ANK3: variants seen among roughly 807,000 people sequenced by gnomAD.
ANK3 encodes the protein ankyrin-3.
Under a neutral mutation model 370.9 loss-of-function variants are expected in ANK3, and 57 were observed. That is an observed-to-expected ratio of 0.15 (90% confidence interval 0.12 to 0.19). The LOEUF is 0.19. ANK3 is among the 10% of genes least tolerant of loss of function. The pLI, the probability that ANK3 is intolerant of heterozygous loss-of-function variation, is 1.00. For synonymous variants in ANK3, 1,929 were observed against 1,946.3 expected, an observed-to-expected ratio of 0.99 and a Z score of 0.23; for missense variants, 4,439 against 5,302.1, an observed-to-expected ratio of 0.84 and a Z score of 5.06.
chr10:60,245,757 A>G (rs1384495882), intron 7 of ANK3, among the ~76,000 whole-genome samples: 1 of 152,226 alleles, frequency 6.6e-6, no homozygotes, highest in Non-Finnish European at 1.5e-5. Context: ...ATAACTTCCA[A>G]TGATAAGGAT....
At chr10:60,704,540 C>CAGGA (rs1228766055) in intron 1 of ANK3, among the ~76,000 whole-genome samples, 2 of 151,946 alleles carry the variant, frequency 1.3e-5, no homozygotes, top group Admixed American at 1.3e-4. Context: ...AAAATAACCC[C>CAGGA]AGGAAAAGCA....
chr10:60,430,216 A>C (rs2063984589), intron 2 of ANK3, among the ~76,000 whole-genome samples: 1 of 152,234 alleles, frequency 6.6e-6, no homozygotes, highest in African/African-American at 2.4e-5. Context: ...AGTCTGCCTG[A>C]AGGCTGAATG....
intron 42 of ANK3, among the ~76,000 whole-genome samples, chr10:60,052,010 T>G (rs566427003): frequency 6.6e-6 from 1 of 152,292 alleles, no homozygotes; most frequent in South Asian, 2.1e-4. Context: ...TGGACTTCTA[T>G]GAAATTTTGG....
At chr10:60,058,608 A>G (rs1328055082) in intron 41 of ANK3, among the ~76,000 whole-genome samples, 1 of 152,206 alleles carries the variant, frequency 6.6e-6, no homozygotes, top group African/African-American at 2.4e-5. Flanking sequence ...GTAGAAGAAA[A>G]TCCACCAAAA....
At chr10:60,123,035 T>A (rs1237952872) in intron 25 of ANK3, among the ~76,000 whole-genome samples, 1 of 152,312 alleles carries the variant, frequency 6.6e-6, no homozygotes, top group East Asian at 1.9e-4. Context: ...GTTTGAGTTG[T>A]CAGAACCTAT....
chr10:60,402,887 C>A (rs1192663629), intron 2 of ANK3, among the ~76,000 whole-genome samples: 1 of 152,104 alleles, frequency 6.6e-6, no homozygotes, highest in Non-Finnish European at 1.5e-5. Context: ...CAGTGGCCAG[C>A]CTACAGTTAC....
chr10:60,575,317 A>G (rs1178527820), intron 2 of ANK3, among the ~76,000 whole-genome samples: 3 of 151,144 alleles, frequency 2.0e-5, no homozygotes, highest in African/African-American at 4.8e-5. Context: ...TACAAGCTGA[A>G]GTGCTCTCTG....
chr10:60,389,967 C>G (rs2062957227), upstream of ANK3: 1 of 515,242 alleles, frequency 1.9e-6, no homozygotes, highest in Non-Finnish European at 2.5e-6. Context: ...AAATCCAGCG[C>G]TAATTCTGAA....
At chr10:60,241,241 G>A (rs761616683) in intron 7 of ANK3, among the ~76,000 whole-genome samples, 3 of 152,146 alleles carry the variant, frequency 2.0e-5, no homozygotes, top group Non-Finnish European at 4.4e-5. Context: ...TGCACTTTGT[G>A]AGAAGAAGCA....
At chr10:60,611,049 A>G (rs759756198) in intron 2 of ANK3, among the ~76,000 whole-genome samples, 9 of 152,220 alleles carry the variant, frequency 5.9e-5, no homozygotes, top group Non-Finnish European at 1.0e-4. Context: ...TAATTTCTAT[A>G]TGAGTAAATT....
At chr10:60,203,669 C>A (rs2393623) in intron 11 of ANK3, among the ~76,000 whole-genome samples, 26,122 of 152,098 alleles carry the variant, frequency 0.17, 2,332 homozygotes, top group African/African-American at 0.19. Flanking sequence ...TTAAAGCAAT[C>A]TAAATAAAGC....
intron 1 of ANK3, among the ~76,000 whole-genome samples, chr10:60,649,823 A>G (rs1355349265): frequency 2.0e-5 from 3 of 152,298 alleles, no homozygotes; most frequent in East Asian, 3.9e-4. Flanking sequence ...TTCTAGGTTC[A>G]TGATAGGATT....
At chr10:60,499,589 T>A (rs1465650451) in intron 2 of ANK3, among the ~76,000 whole-genome samples, 1 of 152,208 alleles carries the variant, frequency 6.6e-6, no homozygotes, top group African/African-American at 2.4e-5. Context: ...ACCACATTCA[T>A]AAGGGATACT....
chr10:60,676,034 A>G (rs1332016549), intron 1 of ANK3, among the ~76,000 whole-genome samples: 2 of 152,208 alleles, frequency 1.3e-5, no homozygotes, highest in African/African-American at 4.8e-5. Flanking sequence ...AAATAAGAAT[A>G]TTCCACTTTT....
At chr10:60,553,413 A>T (rs2077134994) in intron 2 of ANK3, among the ~76,000 whole-genome samples, 1 of 152,128 alleles carries the variant, frequency 6.6e-6, no homozygotes, top group Admixed American at 6.5e-5. Context: ...GAAAATATTA[A>T]TTTCGTCTTC....
intron 24 of ANK3, among the ~76,000 whole-genome samples, chr10:60,136,767 A>G (rs2132197338): frequency 6.6e-6 from 1 of 152,328 alleles, no homozygotes; most frequent in Admixed American, 6.5e-5. Flanking sequence ...TAAATTAGAC[A>G]TATGGAGTCA....
intron 7 of ANK3, among the ~76,000 whole-genome samples, chr10:60,252,381 C>A (rs940386418): frequency 2.0e-5 from 3 of 152,104 alleles, no homozygotes; most frequent in Non-Finnish European, 4.4e-5. Flanking sequence ...GCATGGCAGC[C>A]CCTAGCTGTT....
At chr10:60,396,063 C>T (rs1333753716) in intron 2 of ANK3, among the ~76,000 whole-genome samples, 1 of 152,176 alleles carries the variant, frequency 6.6e-6, no homozygotes, top group South Asian at 2.1e-4. Flanking sequence ...GCCCTGGCTA[C>T]TACTGTTAGT....
At chr10:60,293,627 T>C (rs978434918) in intron 1 of ANK3, among the ~76,000 whole-genome samples, 6 of 152,154 alleles carry the variant, frequency 3.9e-5, no homozygotes, top group African/African-American at 1.4e-4. Flanking sequence ...CAAGAATGAA[T>C]TGGACCCACT....
Sources: gnomAD v4.1 joint callset for allele counts (sites outside exome capture counted in the v4.1 genomes callset) on GRCh38, gnomAD v4.1.1 for gene constraint, MANE v1.5 for transcripts, NCBI Gene and HGNC (gene_info 2026-07-23, HGNC 2026-07-21) for gene names.